Variants in MCCD1 observed in about 807,000 individuals in gnomAD.
MCCD1 encodes the protein mitochondrial coiled-coil domain protein 1.
MCCD1 carries 5 observed loss-of-function variants against 5.6 expected under a neutral mutation model. The ratio of observed to expected loss-of-function variants is 0.89; its 90% CI spans 0.46 to 1.87. The LOEUF (loss-of-function observed/expected upper bound fraction) is 1.87, where lower values mean the gene tolerates loss of function less well. Ranked by LOEUF, MCCD1 falls within the 40% of genes most tolerant of loss-of-function variation. MCCD1 has a pLI of 0.01. For synonymous variants in MCCD1, 70 were observed against 57.3 expected (o/e 1.22, Z -1.00); for missense variants, 178 against 141.8 (o/e 1.26, Z -1.30).
chr6:31,529,653 A>C, intron 1 of MCCD1, 94 bp from the exon 2 acceptor site: 1 of 1,324,316 alleles, frequency 7.6e-7, no homozygotes, highest in Admixed American at 3.5e-5. Context: ...GGGAAGGTGG[A>C]ATTTCTCACT....
rs118109583 is a variant in MCCD1, at chr6:31,529,783, G to A, written c.208G>A (p.Ala70Thr). ...CCACCGCACAGCTGAGCTGGCCCGA[G>A]CTGAAGAGTTGTTGGAGCAGCAGCT... is the stretch of plus-strand genomic sequence containing the variant. ...GTHRTAELAR[A>T]EELLEQQLEL... Residue 70 changes from alanine to threonine, a missense_variant, in exon 2 of 2, where the codon GCT becomes ACT. Coordinates refer to ENST00000376191, the MANE Select transcript of MCCD1 (RefSeq NM_001011700.3). 163 of 1,568,328 alleles carry A rather than the reference G, an allele frequency of 1.0e-4. No homozygotes were observed. The East Asian group carries it at 3.3e-3, about 32-fold the overall frequency.
In MCCD1 at chr6:31,529,859, A is replaced by C; in HGVS notation, c.284A>C (p.Gln95Pro). The change falls in exon 2 of 2, where the codon CAA (glutamine) becomes CCA (proline). Residue 95 changes from glutamine to proline, a missense_variant. Coordinates refer to ENST00000376191, the MANE Select transcript of MCCD1 (RefSeq NM_001011700.3). Reference protein sequence around the residue: ...LEGQEGAWEAQALVLKIQKLK... With the variant: ...LEGQEGAWEAPALVLKIQKLK... ...GGGCAGGAGGGAGCCTGGGAGGCCC[A>C]AGCCCTGGTGCTCAAGATCCAGAAG... 6.3e-7 allele frequency: 1 copy of C among 1,579,704 alleles called. No individual in the cohort carries two copies. Among genetic ancestry groups the C allele is most frequent in the East Asian group, 2.3e-5 (1 of 43,790 alleles).
chr6:31,529,786 G>A lies in MCCD1; in HGVS notation c.211G>A (p.Glu71Lys), dbSNP rs1377449471. The A allele has an allele frequency of 4.5e-6, 7 of 1,571,278 alleles. No individual in the cohort carries two copies. Among genetic ancestry groups the A allele is most frequent in the African/African-American group, 1.4e-5 (1 of 73,514 alleles). ...CCGCACAGCTGAGCTGGCCCGAGCT[G>A]AAGAGTTGTTGGAGCAGCAGCTGGA... is the stretch of plus-strand genomic sequence containing the variant. ...THRTAELARA[E>K]ELLEQQLELY... The change falls in exon 2 of 2, where the codon GAA (glutamate) becomes AAA (lysine). Residue 71 changes from glutamate to lysine, a missense_variant. Physicochemically the swap from Glu to Lys is moderately conservative, Grantham distance 56 (BLOSUM62 1). Coordinates refer to ENST00000376191, the MANE Select transcript of MCCD1 (RefSeq NM_001011700.3).
chr6:31,529,755 G>A lies in MCCD1; in HGVS notation c.180G>A (p.Gly60=), dbSNP rs1376572431. The change falls in exon 2 of 2, where the codon GGG becomes GGA. Residue 60 remains glycine (G), a synonymous_variant. Transcript: ENST00000376191. ...CTTAATTCCCTGACCAGGGCCCTGG[G>A]ACCCACCGCACAGCTGAGCTGGCCC... ...GKMTSPPRGP[G]THRTAELARA... is the part of the protein sequence containing the mutation. The A allele has an allele frequency of 1.4e-5, 21 of 1,500,684 alleles. No homozygotes were observed. The highest frequency in any genetic ancestry group is 1.8e-5 in the Non-Finnish European group (20 of 1,119,912). 93.0% of individuals were successfully genotyped at this position (1,500,684 alleles called of 1,614,324 possible).
chr6:31,529,726 C>T, intron 1 of MCCD1, 21 bp from the exon 2 acceptor site: 1 of 1,437,542 alleles, frequency 7.0e-7, no homozygotes, highest in Non-Finnish European at 9.2e-7. Flanking sequence ...CTGATGCTCC[C>T]TCCCTTAATT....
chr6:31,529,581 A>C (rs1470279764), intron 1 of MCCD1, among the ~76,000 whole-genome samples, 166 bp from the exon 2 acceptor site: 1 of 152,158 alleles, frequency 6.6e-6, no homozygotes, highest in African/African-American at 2.4e-5. Flanking sequence ...TATGCCCAAG[A>C]CAGGAAGCTA....
chr6:31,529,258 TCCCA>T, intron 1 of MCCD1, 73 bp downstream of exon 1: 2 of 1,489,866 alleles, frequency 1.3e-6, no homozygotes, highest in Non-Finnish European at 1.8e-6. Context: ...AAACCCTCAA[TCCCA>T]CCCTGCACCA....
At chr6:31,529,715 G>A in intron 1 of MCCD1, 32 bp from the exon 2 acceptor site, 1 of 1,427,920 alleles carries the variant, frequency 7.0e-7, no homozygotes. Flanking sequence ...CCCTGCCCTG[G>A]CTGATGCTCC....
chr6:31,529,114 C>T lies in MCCD1; in HGVS notation c.100C>T (p.Gln34Ter). ...CCAGGGCTCCCATGGGTGCTGCTCC[C>T]AAAACCCCAAAGCAAGCATGGAAGA... is the stretch of plus-strand genomic sequence containing the variant. Reference protein sequence around the residue: ...APQGSHGCCSQNPKASMEEQT... With the variant: ...APQGSHGCCS The change falls in exon 1 of 2, where the codon CAA becomes TAA. Residue 34 changes from glutamine to a stop codon, truncating the protein, a stop_gained. Transcript: ENST00000376191. LOFTEE classifies it high-confidence loss of function. The T allele has an allele frequency of 6.2e-7, 1 of 1,612,712 alleles. No homozygotes were observed. The highest frequency in any genetic ancestry group is 8.5e-7 in the Non-Finnish European group (1 of 1,179,854).
Position 31,529,846 on chromosome 6 carries a change from G to A in MCCD1, c.271G>A (p.Ala91Thr). 1 of 1,587,718 alleles carries A rather than the reference G, an allele frequency of 6.3e-7. No individual in the cohort carries two copies. The highest frequency in any genetic ancestry group is 1.1e-5 in the South Asian group (1 of 87,148). Reference sequence around the variant, plus strand: ...GGCCCTCCTTGAAGGGCAGGAGGGAGCCTGGGAGGCCCAAGCCCTGGTGCT... The same window carrying A: ...GGCCCTCCTTGAAGGGCAGGAGGGAACCTGGGAGGCCCAAGCCCTGGTGCT... The part of the protein sequence containing the change: ...YQALLEGQEG[A>T]WEAQALVLKI... The change falls in exon 2 of 2, where the codon GCC becomes ACC. Residue 91 changes from alanine (A) to threonine (T), a missense_variant. Transcript: ENST00000376191.
chr6:31,529,696 G>A, intron 1 of MCCD1, 51 bp from the exon 2 acceptor site: 1 of 1,395,086 alleles, frequency 7.2e-7, no homozygotes, highest in Non-Finnish European at 9.4e-7. Flanking sequence ...GCTTCCCAGG[G>A]CCTCAGCCCC....
rs139861886 is a variant in MCCD1, at chr6:31,529,903, A to C, written c.328A>C (p.Arg110=). 67 of 1,548,232 alleles carry C rather than the reference A, an allele frequency of 4.3e-5. No individual in the cohort carries two copies. The highest frequency in any genetic ancestry group is 3.8e-4 in the African/African-American group (28 of 73,456). ...KIQKLKEQMR[R]HQESLGGGA ...CCAGAAGCTGAAGGAACAGATGAGGAGGCACCAAGAGAGCCTTGGAGGAGG... is the reference window on the plus strand; with the variant it reads ...CCAGAAGCTGAAGGAACAGATGAGGCGGCACCAAGAGAGCCTTGGAGGAGG... The change falls in exon 2 of 2, where the codon AGG becomes CGG. Residue 110 remains arginine (R), a synonymous_variant. Coordinates refer to ENST00000376191, the MANE Select transcript of MCCD1 (RefSeq NM_001011700.3).
chr6:31,529,059 C>T lies in MCCD1; in HGVS notation c.45C>T (p.Arg15=), dbSNP rs1433603569. The change falls in exon 1 of 2, where the codon CGC becomes CGT. Residue 15 remains arginine (R), a synonymous_variant. Transcript: ENST00000376191. ...LPWLSRYHFL[R]LLLPSWSLAP... is the part of the protein sequence containing the mutation. ...GGCTCTCTCGGTACCATTTCCTTCG[C>T]CTCCTTCTGCCCTCCTGGTCCTTGG... 5.0e-6 allele frequency: 8 copies of T among 1,612,712 alleles called. No homozygotes were observed. The highest frequency in any genetic ancestry group is 6.8e-6 in the Non-Finnish European group (8 of 1,179,898).
At position 31,529,127 on chromosome 6, in the gene MCCD1, C is replaced by A. The variant is rs1352165510; in HGVS notation, c.113C>A (p.Ala38Glu). The A allele has an allele frequency of 6.2e-7, 1 of 1,612,620 alleles. No homozygotes were observed. Among genetic ancestry groups the A allele is most frequent in the African/African-American group, 1.3e-5 (1 of 74,858 alleles). ...GGGTGCTGCTCCCAAAACCCCAAAG[C>A]AAGCATGGAAGAGCAGACCAGCTCC... Reference protein sequence around the residue: ...SHGCCSQNPKASMEEQTSSRG... With the variant: ...SHGCCSQNPKESMEEQTSSRG... Residue 38 changes from alanine to glutamate, a missense_variant, in exon 1 of 2, where the codon GCA (alanine) becomes GAA (glutamate). Physicochemically the swap from Ala to Glu is moderately radical, Grantham distance 107. Coordinates refer to ENST00000376191, the MANE Select transcript of MCCD1 (RefSeq NM_001011700.3).
chr6:31,529,287 T>A (rs1178847420), intron 1 of MCCD1, 102 bp downstream of exon 1: 1 of 1,203,056 alleles, frequency 8.3e-7, no homozygotes, highest in Non-Finnish European at 1.2e-6. Flanking sequence ...ACACCATGCC[T>A]ACCCCTGCAG....
At chr6:31,529,298 C>T in intron 1 of MCCD1, 113 bp downstream of exon 1, 1 of 1,174,690 alleles carries the variant, frequency 8.5e-7, no homozygotes. Flanking sequence ...ACCCCTGCAG[C>T]TCTTTTCTTA....
Position 31,529,869 on chromosome 6 carries a change from G to T in MCCD1, c.294G>T (p.Val98=). 6.4e-7 allele frequency: 1 copy of T among 1,573,432 alleles called. No individual in the cohort carries two copies. The highest frequency in any genetic ancestry group is 8.6e-7 in the Non-Finnish European group (1 of 1,160,912). Residue 98 remains valine, a synonymous_variant, in exon 2 of 2, where the codon GTG becomes GTT. Coordinates refer to ENST00000376191, the MANE Select transcript of MCCD1 (RefSeq NM_001011700.3). ...GAGCCTGGGAGGCCCAAGCCCTGGT[G>T]CTCAAGATCCAGAAGCTGAAGGAAC... The part of the protein sequence containing the change: ...QEGAWEAQAL[V]LKIQKLKEQM...
chr6:31,529,734 A>T lies in MCCD1; in HGVS notation c.172-13A>T. The T allele has an allele frequency of 6.9e-7, 1 of 1,445,202 alleles. No individual in the cohort carries two copies. Among genetic ancestry groups the T allele is most frequent in the African/African-American group, 1.4e-5 (1 of 69,162 alleles). 89.5% of individuals were successfully genotyped at this position (1,445,202 alleles called of 1,614,324 possible). A position where few individuals can be genotyped will look rare whatever the true frequency, so the allele number is the denominator to read the frequency against. ...GCCCTGGCTGATGCTCCCTCCCTTA[A>T]TTCCCTGACCAGGGCCCTGGGACCC... On this transcript the variant is annotated splice_polypyrimidine_tract_variant and intron_variant, in intron 1 of 1. Transcript: ENST00000376191.
In MCCD1 at chr6:31,529,136, A is replaced by G. The variant is rs1766831188; in HGVS notation, c.122A>G (p.Glu41Gly). The G allele has an allele frequency of 1.2e-6, 2 of 1,612,622 alleles. No individual in the cohort carries two copies. Among genetic ancestry groups the G allele is most frequent in the African/African-American group, 2.7e-5 (2 of 74,874 alleles). Residue 41 changes from glutamate to glycine, a missense_variant, in exon 1 of 2, where the codon GAA becomes GGA. By Grantham distance (98) the Glu-to-Gly change is moderately conservative. Coordinates refer to ENST00000376191, the MANE Select transcript of MCCD1 (RefSeq NM_001011700.3). Reference sequence around the variant, plus strand: ...TCCCAAAACCCCAAAGCAAGCATGGAAGAGCAGACCAGCTCCAGAGGAAAT... The same window carrying G: ...TCCCAAAACCCCAAAGCAAGCATGGGAGAGCAGACCAGCTCCAGAGGAAAT... ...CCSQNPKASM[E>G]EQTSSRGNGK...
Sources: gnomAD v4.1 joint callset for allele counts (sites outside exome capture counted in the v4.1 genomes callset) on GRCh38, gnomAD v4.1.1 for gene constraint, MANE v1.5 for transcripts, NCBI Gene and HGNC (gene_info 2026-07-23, HGNC 2026-07-21) for gene names.